Variants in SPATS2 observed in about 807,000 individuals in gnomAD.
SPATS2 encodes spermatogenesis associated serine rich 2, also known as spermatogenesis-associated serine-rich protein 2.
Under a neutral mutation model 63.7 loss-of-function variants are expected in SPATS2, and 38 were observed. The observed-to-expected ratio is 0.60, with a 90% confidence interval of 0.46 to 0.78. The LOEUF (loss-of-function observed/expected upper bound fraction) is 0.78, where lower values mean the gene tolerates loss of function less well. SPATS2 is among the 30% of genes least tolerant of loss of function. The pLI, the probability that SPATS2 is intolerant of heterozygous loss-of-function variation, is 0.00. For missense variants in SPATS2, 588 were observed against 666.2 expected (o/e 0.88, Z 1.29); for synonymous variants, 207 against 232.9 (o/e 0.89, Z 1.01).
chr12:49,431,266 T>G (rs952651797), intron 2 of SPATS2, among the ~76,000 whole-genome samples: 1 of 152,106 alleles, frequency 6.6e-6, no homozygotes, highest in East Asian at 1.9e-4. Flanking sequence ...TTTTTCTTTT[T>G]AAGGTGGAGC....
Position 49,527,377 on chromosome 12 carries a change from T to C in SPATS2, c.*1122T>C, listed in dbSNP as rs547195317. On this transcript the variant is annotated 3_prime_UTR_variant, in exon 14 of 14. Coordinates refer to ENST00000552918, the MANE Select transcript of SPATS2 (RefSeq NM_023071.4). Reference sequence around the variant, plus strand: ...AGGCATTACTCATCAAAAAAATTGCTGCAGTCTTTACAGTTGAATAAATAA... The same window carrying C: ...AGGCATTACTCATCAAAAAAATTGCCGCAGTCTTTACAGTTGAATAAATAA... 1 of 152,294 alleles carries C rather than the reference T, an allele frequency of 6.6e-6. No individual in the cohort carries two copies. The highest frequency in any genetic ancestry group is 1.9e-4 in the East Asian group (1 of 5,188). 9.4% of individuals were successfully genotyped at this position (152,294 alleles called of 1,614,324 possible).
chr12:49,398,489 C>T (rs905706451), intron 2 of SPATS2, among the ~76,000 whole-genome samples: 4 of 151,888 alleles, frequency 2.6e-5, no homozygotes, highest in African/African-American at 9.7e-5. Flanking sequence ...ATAGGTTAGG[C>T]GGGATTGTAT....
chr12:49,451,308 AGTT>A lies in SPATS2; in HGVS notation c.-243-9458_-243-9456del, dbSNP rs563694968. ...TTGTCTTTTGTTTTTACTATTTTTC[AGTT>A]GTTTTCTTAGTACTTGTCTGGTCAT... On this transcript the variant is annotated intron_variant, in intron 2 of 13. Transcript: ENST00000552918. Among the ~76,000 whole-genome samples, 730 of 151,316 alleles carry A rather than the reference AGTT, an allele frequency of 4.8e-3. 3 individuals carry two copies. Among genetic ancestry groups the A allele is most frequent in the Admixed American group, 7.3e-3 (111 of 15,202 alleles).
chr12:49,513,538 C>T (rs1251362863), intron 9 of SPATS2, among the ~76,000 whole-genome samples: 1 of 152,128 alleles, frequency 6.6e-6, no homozygotes, highest in Admixed American at 6.5e-5. Flanking sequence ...GCCTATAAAC[C>T]ATTTATATTT....
chr12:49,420,970 G>T (rs1944970078), intron 2 of SPATS2, among the ~76,000 whole-genome samples: 1 of 152,172 alleles, frequency 6.6e-6, no homozygotes. Flanking sequence ...TTGTACCACT[G>T]CACACAAGCC....
chr12:49,438,069 T>C (rs1945349255), intron 2 of SPATS2, among the ~76,000 whole-genome samples: 1 of 152,214 alleles, frequency 6.6e-6, no homozygotes, highest in Non-Finnish European at 1.5e-5. Context: ...GATCAAGATG[T>C]AGAACATTTC....
In SPATS2 at chr12:49,489,477, C is replaced by T. The variant is rs375147036; in HGVS notation, c.118C>T (p.Arg40Cys). 4 of 1,612,674 alleles carry T rather than the reference C, an allele frequency of 2.5e-6. No homozygotes were observed. The highest frequency in any genetic ancestry group is 2.7e-5 in the African/African-American group (2 of 74,868). Residue 40 changes from arginine to cysteine, a missense_variant, in exon 5 of 14, where the codon CGT becomes TGT. Arg to Cys is a radical substitution (Grantham distance 180). Coordinates refer to ENST00000552918, the MANE Select transcript of SPATS2 (RefSeq NM_023071.4). ...TCATCTTTTCCAGATAAATGCGGTACGTGCAATAGTTCCTAATAAGAGCAA... is the reference window on the plus strand; with the variant it reads ...TCATCTTTTCCAGATAAATGCGGTATGTGCAATAGTTCCTAATAAGAGCAA... Reference protein sequence around the residue: ...ENMKEKINAVRAIVPNKSNNE... With the variant: ...ENMKEKINAVCAIVPNKSNNE...
At chr12:49,401,048 A>ATT (rs369405437) in intron 2 of SPATS2, among the ~76,000 whole-genome samples, 1 of 150,428 alleles carries the variant, frequency 6.6e-6, no homozygotes, top group East Asian at 2.0e-4. Context: ...AATTTTTTTG[A>ATT]TTTTTTTTTG....
chr12:49,501,600 G>A (rs999096372), intron 9 of SPATS2, among the ~76,000 whole-genome samples: 2 of 152,030 alleles, frequency 1.3e-5, no homozygotes, highest in Non-Finnish European at 2.9e-5. Context: ...AGGTGTTAAC[G>A]GATATTTGTT....
At chr12:49,460,548 A>G (rs145184265) in intron 2 of SPATS2, among the ~76,000 whole-genome samples, 2 of 152,348 alleles carry the variant, frequency 1.3e-5, no homozygotes, top group East Asian at 3.9e-4. Flanking sequence ...TACAAAAAAT[A>G]AGACTAAGAG....
intron 12 of SPATS2, among the ~76,000 whole-genome samples, chr12:49,523,647 T>C (rs1946980166): frequency 6.6e-6 from 1 of 152,134 alleles, no homozygotes; most frequent in South Asian, 2.1e-4. Flanking sequence ...CTGTTCTTTC[T>C]GTCTAGTATA....
intron 6 of SPATS2, 91 bp from the exon 7 acceptor site, chr12:49,494,650 G>A: frequency 7.9e-7 from 1 of 1,269,082 alleles, no homozygotes; most frequent in South Asian, 1.8e-5. Context: ...GGTAACATTG[G>A]TTACCTTTGG....
At chr12:49,505,323 C>T (rs60470264) in intron 9 of SPATS2, among the ~76,000 whole-genome samples, 1 of 152,058 alleles carries the variant, frequency 6.6e-6, no homozygotes, top group Non-Finnish European at 1.5e-5. Context: ...TTGTTGATAT[C>T]TTGTTTCTAC....
rs1943918670 is a variant in SPATS2 at position 49,367,488 on chromosome 12, G to A, written c.-406G>A. 2.5e-6 allele frequency: 1 copy of A among 399,362 alleles called. No individual in the cohort carries two copies. The highest frequency in any genetic ancestry group is 4.4e-6 in the Non-Finnish European group (1 of 226,940). 24.7% of individuals were successfully genotyped at this position (399,362 alleles called of 1,614,324 possible). On this transcript the variant is annotated 5_prime_UTR_variant, in exon 1 of 14. Coordinates refer to ENST00000552918, the MANE Select transcript of SPATS2 (RefSeq NM_023071.4). Reference sequence around the variant, plus strand: ...GCGACGGCGGCGGTGGCTCTAGAAGGGGAGGTGGAGGATCTCCTTTCCTCT... The same window carrying A: ...GCGACGGCGGCGGTGGCTCTAGAAGAGGAGGTGGAGGATCTCCTTTCCTCT...
At chr12:49,421,141 C>T (rs999832316) in intron 2 of SPATS2, among the ~76,000 whole-genome samples, 4 of 151,996 alleles carry the variant, frequency 2.6e-5, no homozygotes, top group Non-Finnish European at 4.4e-5. Context: ...TTGCATTGGC[C>T]GGGTGCGGTG....
At chr12:49,422,316 A>C (rs1299190224) in intron 2 of SPATS2, among the ~76,000 whole-genome samples, 1 of 152,204 alleles carries the variant, frequency 6.6e-6, no homozygotes. Context: ...GAATTACATG[A>C]CATGTATGTA....
chr12:49,367,334 G>A (rs1359098716), upstream of SPATS2: 8 of 387,676 alleles, frequency 2.1e-5, no homozygotes, highest in East Asian at 2.9e-4. Context: ...CCGCTGCCTG[G>A]GCGAGGGTCG....
chr12:49,508,150 C>T (rs950265873), intron 9 of SPATS2, among the ~76,000 whole-genome samples: 2 of 152,148 alleles, frequency 1.3e-5, no homozygotes, highest in African/African-American at 4.8e-5. Context: ...TACCTTCCTA[C>T]ACCACACGTT....
chr12:49,420,320 A>G (rs1944957928), intron 2 of SPATS2, among the ~76,000 whole-genome samples: 1 of 152,220 alleles, frequency 6.6e-6, no homozygotes, highest in African/African-American at 2.4e-5. Flanking sequence ...AGGCCTGGGT[A>G]CAGTGGCTCA....
Sources: gnomAD v4.1 joint callset for allele counts (sites outside exome capture counted in the v4.1 genomes callset) on GRCh38, gnomAD v4.1.1 for gene constraint, MANE v1.5 for transcripts, NCBI Gene and HGNC (gene_info 2026-07-23, HGNC 2026-07-21) for gene names.